Variants in ROBO2 observed in about 807,000 individuals in gnomAD.
ROBO2 encodes the protein roundabout homolog 2.
ROBO2 carries 53 observed loss-of-function variants against 160.8 expected under a neutral mutation model. That is an observed-to-expected ratio of 0.33 (90% CI 0.26 to 0.41). ROBO2 has a LOEUF of 0.41. ROBO2 is among the 10% of genes least tolerant of loss of function. The probability of loss-of-function intolerance (pLI) is 1.00; values close to 1 mark genes in which losing one functional copy is unlikely to be tolerated. For synonymous variants in ROBO2, 664 were observed against 611.7 expected, an observed-to-expected ratio of 1.09 and a Z score of -1.26; for missense variants, 1,577 against 1,722.4, an observed-to-expected ratio of 0.92 and a Z score of 1.49.
At chr3:77,510,913 A>C (rs546308111) in intron 5 of ROBO2, among the ~76,000 whole-genome samples, 110 of 152,084 alleles carry the variant, frequency 7.2e-4, no homozygotes, top group African/African-American at 2.6e-3. Context: ...CAGAGGGCAA[A>C]CCCTCAGTAA....
intron 1 of ROBO2, among the ~76,000 whole-genome samples, chr3:77,078,468 C>T (rs950254185): frequency 6.6e-6 from 1 of 152,164 alleles, no homozygotes; most frequent in African/African-American, 2.4e-5. Context: ...ACCCCTGAGA[C>T]TGGTTCTCAA....
intron 2 of ROBO2, among the ~76,000 whole-genome samples, chr3:77,240,584 G>A (rs541559885): frequency 9.8e-5 from 15 of 152,318 alleles, no homozygotes; most frequent in African/African-American, 2.4e-4. Flanking sequence ...AGCGGACACC[G>A]TGGCCGAGGA....
At chr3:76,150,721 C>T (rs2072163725) in intron 2 of ROBO2, among the ~76,000 whole-genome samples, 1 of 152,156 alleles carries the variant, frequency 6.6e-6, no homozygotes, top group South Asian at 2.1e-4. Flanking sequence ...CATCCCCAAT[C>T]ACACTCTGAT....
At chr3:77,200,293 AT>A (rs2082747686) in intron 2 of ROBO2, among the ~76,000 whole-genome samples, 2 of 70,050 alleles carry the variant, frequency 2.9e-5, no homozygotes, top group African/African-American at 1.2e-4. Flanking sequence ...ATATATATAT[AT>A]ATATATATAT....
At chr3:76,882,086 T>TTGTGTG (rs10611502) in intron 2 of ROBO2, among the ~76,000 whole-genome samples, 11 of 144,472 alleles carry the variant, frequency 7.6e-5, no homozygotes, top group East Asian at 4.1e-4. Flanking sequence ...CGTAGGTTGG[T>TTGTGTG]TGTGTGTGTG....
At chr3:77,407,741 T>C (rs2076369255) in intron 2 of ROBO2, among the ~76,000 whole-genome samples, 1 of 152,216 alleles carries the variant, frequency 6.6e-6, no homozygotes, top group South Asian at 2.1e-4. Flanking sequence ...AAAATAATGC[T>C]CGTGTTTATT....
At chr3:76,176,479 C>T (rs1056852025) in intron 2 of ROBO2, among the ~76,000 whole-genome samples, 2 of 151,944 alleles carry the variant, frequency 1.3e-5, no homozygotes, top group Non-Finnish European at 2.9e-5. Context: ...TAAAGGGAGC[C>T]AGGAAGTACT....
At chr3:77,406,920 G>A (rs920092330) in intron 2 of ROBO2, among the ~76,000 whole-genome samples, 1 of 152,100 alleles carries the variant, frequency 6.6e-6, no homozygotes, top group Non-Finnish European at 1.5e-5. Flanking sequence ...CTTGCATTTC[G>A]AGTTCAGGTT....
At chr3:77,281,993 G>C (rs1385588967) in intron 2 of ROBO2, among the ~76,000 whole-genome samples, 1 of 152,102 alleles carries the variant, frequency 6.6e-6, no homozygotes, top group Non-Finnish European at 1.5e-5. Flanking sequence ...TGAGTCCCTG[G>C]CCCCGGGGCT....
chr3:76,180,496 A>G (rs965216801), intron 2 of ROBO2, among the ~76,000 whole-genome samples: 2 of 151,980 alleles, frequency 1.3e-5, no homozygotes, highest in Non-Finnish European at 2.9e-5. Context: ...ACCATCTTCC[A>G]TTTTCTCAAG....
At chr3:76,832,813 G>A (rs753779700) in intron 2 of ROBO2, among the ~76,000 whole-genome samples, 31 of 152,092 alleles carry the variant, frequency 2.0e-4, no homozygotes, top group Non-Finnish European at 3.7e-4. Context: ...ATGTTACAGA[G>A]CATTTTATAA....
At chr3:77,304,302 A>T (rs1292406303) in intron 2 of ROBO2, among the ~76,000 whole-genome samples, 13 of 152,212 alleles carry the variant, frequency 8.5e-5, no homozygotes, top group Admixed American at 8.5e-4. Flanking sequence ...AGCTCAGCAG[A>T]AGGTTGGCTG....
chr3:77,066,403 GA>G (rs1048047004), intron 1 of ROBO2, among the ~76,000 whole-genome samples: 2 of 151,990 alleles, frequency 1.3e-5, no homozygotes, highest in African/African-American at 4.8e-5. Flanking sequence ...ACTGCAGTTG[GA>G]AAAAAATTGG....
chr3:76,310,053 T>A (rs1163048651), intron 2 of ROBO2, among the ~76,000 whole-genome samples: 5 of 151,272 alleles, frequency 3.3e-5, no homozygotes, highest in Non-Finnish European at 5.9e-5. Context: ...AACTCCTGGG[T>A]TCAAGTTATA....
At chr3:76,652,579 T>A (rs1358230590) in intron 2 of ROBO2, among the ~76,000 whole-genome samples, 1 of 152,338 alleles carries the variant, frequency 6.6e-6, no homozygotes, top group African/African-American at 2.4e-5. Flanking sequence ...ATATCTTTCA[T>A]GCAATTTAGC....
intron 2 of ROBO2, among the ~76,000 whole-genome samples, chr3:76,450,273 A>G (rs934114521): frequency 6.6e-6 from 1 of 152,174 alleles, no homozygotes; most frequent in South Asian, 2.1e-4. Flanking sequence ...AAGAGTGACA[A>G]ATTTCAGGAA....
chr3:77,541,673 G>C (rs532570225), intron 6 of ROBO2, among the ~76,000 whole-genome samples: 1 of 152,048 alleles, frequency 6.6e-6, no homozygotes, highest in South Asian at 2.1e-4. Context: ...TGTTTGCTTC[G>C]TCTCATTTCT....
chr3:76,645,445 A>G (rs1044366832), intron 2 of ROBO2, among the ~76,000 whole-genome samples: 1 of 152,220 alleles, frequency 6.6e-6, no homozygotes, highest in Non-Finnish European at 1.5e-5. Context: ...AACTGAGAGG[A>G]TATCGAAAAT....
At chr3:76,909,881 A>G (rs1001578481) in intron 2 of ROBO2, among the ~76,000 whole-genome samples, 4 of 152,240 alleles carry the variant, frequency 2.6e-5, no homozygotes, top group African/African-American at 9.6e-5. Flanking sequence ...GGGAGACAGA[A>G]CAACATGAAG....
Sources: allele counts gnomAD v4.1 joint callset (sites outside exome capture counted in the v4.1 genomes callset), GRCh38; gene constraint gnomAD v4.1.1; transcripts MANE v1.5; gene names NCBI Gene and HGNC (gene_info 2026-07-23, HGNC 2026-07-21).